The following SPATS2 variants were observed in gnomAD, a reference collection of about 807,000 sequenced individuals.
The protein encoded by SPATS2 is spermatogenesis-associated serine-rich protein 2.
SPATS2 carries 38 observed loss-of-function variants against 63.7 expected under a neutral mutation model. That is an observed-to-expected ratio of 0.60 (90% CI 0.46 to 0.78). The LOEUF (loss-of-function observed/expected upper bound fraction) is 0.78. Among genes scored for constraint, SPATS2 ranks in the 30% least tolerant of loss-of-function variants. SPATS2 has a pLI of 0.00. For synonymous variants in SPATS2, 207 were observed against 232.9 expected, an observed-to-expected ratio of 0.89 and a Z score of 1.01; for missense variants, 588 against 666.2, an observed-to-expected ratio of 0.88 and a Z score of 1.29.
chr12:49,368,410 T>C (rs762233118), intron 1 of SPATS2, among the ~76,000 whole-genome samples: 9 of 152,236 alleles, frequency 5.9e-5, no homozygotes, highest in Non-Finnish European at 8.8e-5. Flanking sequence ...AATATCTTGC[T>C]TTAAGTTAGG....
intron 2 of SPATS2, among the ~76,000 whole-genome samples, chr12:49,450,437 G>C (rs1945599541): frequency 6.6e-6 from 1 of 151,950 alleles, no homozygotes; most frequent in South Asian, 2.1e-4. Context: ...GTAGAGACGG[G>C]GTTTCACTGT....
At chr12:49,444,055 A>G (rs1945469454) in intron 2 of SPATS2, among the ~76,000 whole-genome samples, 1 of 152,240 alleles carries the variant, frequency 6.6e-6, no homozygotes, top group African/African-American at 2.4e-5. Context: ...ACGCTTATAA[A>G]TTAAATTGGG....
chr12:49,414,204 G>C (rs1441663479), intron 2 of SPATS2, among the ~76,000 whole-genome samples: 1 of 152,108 alleles, frequency 6.6e-6, no homozygotes, highest in Non-Finnish European at 1.5e-5. Flanking sequence ...TAGATTTTCT[G>C]TGACTCTTAT....
intron 2 of SPATS2, among the ~76,000 whole-genome samples, chr12:49,379,550 C>CAAA (rs565753035): frequency 3.8e-4 from 17 of 45,046 alleles, no homozygotes; most frequent in African/African-American, 1.3e-3. Context: ...GAATCCGTCT[C>CAAA]AAAAAAAAAA....
At chr12:49,428,212 G>A (rs1241064550) in intron 2 of SPATS2, among the ~76,000 whole-genome samples, 1 of 151,332 alleles carries the variant, frequency 6.6e-6, no homozygotes, top group Non-Finnish European at 1.5e-5. Context: ...TCGAGATAGC[G>A]CCACTGCACT....
At chr12:49,374,598 T>G (rs1944059868) in intron 2 of SPATS2, among the ~76,000 whole-genome samples, 1 of 152,072 alleles carries the variant, frequency 6.6e-6, no homozygotes, top group Non-Finnish European at 1.5e-5. Context: ...TTCTGCAGGG[T>G]CTGAGGATAT....
At chr12:49,480,309 G>A (rs778505313) in intron 3 of SPATS2, among the ~76,000 whole-genome samples, 1 of 152,154 alleles carries the variant, frequency 6.6e-6, no homozygotes, top group African/African-American at 2.4e-5. Flanking sequence ...GAGCCTTACT[G>A]TGTGTTCATA....
intron 8 of SPATS2, among the ~76,000 whole-genome samples, chr12:49,497,413 G>A (rs1443232815): frequency 1.5e-4 from 21 of 138,488 alleles, no homozygotes; most frequent in Admixed American, 3.8e-4. Flanking sequence ...TTTTTCCCCC[G>A]AGACTGAGTC....
In SPATS2 at chr12:49,500,077, T is replaced by A; in HGVS notation, c.711T>A (p.Asn237Lys). 6.8e-7 allele frequency: 1 copy of A among 1,466,806 alleles called. No homozygotes were observed. The highest frequency in any genetic ancestry group is 9.0e-7 in the Non-Finnish European group (1 of 1,110,504). The allele number at this position is 1,466,806 out of a possible 1,614,324, so 90.9% of individuals were successfully genotyped here. A position where few individuals can be genotyped will look rare whatever the true frequency, so the allele number is the denominator to read the frequency against. ...PLATSKKLSS[N>K]IEKSVKDLQR... ...TCGGTTTTTTTCCCCAAGGTTCCAA[T>A]ATTGAAAAATCTGTAAAAGACCTCC... Residue 237 changes from asparagine to lysine, a missense_variant, in exon 9 of 14, where the codon AAT becomes AAA. Asn to Lys is a moderately conservative substitution (Grantham distance 94, BLOSUM62 0). Coordinates refer to ENST00000552918, the MANE Select transcript of SPATS2 (RefSeq NM_023071.4).
At chr12:49,495,137 G>T in intron 7 of SPATS2, 135 bp downstream of exon 7, 8 of 944,228 alleles carry the variant, frequency 8.5e-6, no homozygotes, top group Admixed American at 3.8e-5. Flanking sequence ...TTACTTTTTA[G>T]TTTTTGTTAC....
chr12:49,405,587 T>G (rs1941581567), intron 2 of SPATS2, among the ~76,000 whole-genome samples: 1 of 152,110 alleles, frequency 6.6e-6, no homozygotes, highest in African/African-American at 2.4e-5. Flanking sequence ...TAATCCCAGC[T>G]ACTTGGGAGG....
intron 2 of SPATS2, among the ~76,000 whole-genome samples, chr12:49,383,206 AG>A (rs775379674): frequency 2.4e-4 from 36 of 151,826 alleles, no homozygotes; most frequent in Admixed American, 1.3e-3. Context: ...TTTAGTAGAA[AG>A]GGGGTTTCAC....
intron 2 of SPATS2, among the ~76,000 whole-genome samples, chr12:49,449,407 G>T (rs1360474682): frequency 1.3e-5 from 2 of 152,150 alleles, no homozygotes; most frequent in African/African-American, 2.4e-5. Flanking sequence ...GTAGAAACGG[G>T]GTTTCACCAT....
At position 49,407,824 on chromosome 12, in the gene SPATS2, G is replaced by GT. The variant is rs755628180; in HGVS notation, c.-244+36537dup. ...CCTACTGCCTCTTTTTGTAAATAAA[G>GT]TTTAATTAGGACACAGCCATGCTCA... is the stretch of plus-strand genomic sequence containing the variant. On this transcript the variant is annotated intron_variant, in intron 2 of 13. Coordinates refer to ENST00000552918, the MANE Select transcript of SPATS2 (RefSeq NM_023071.4). Among the ~76,000 whole-genome samples the GT allele has an allele frequency of 2.0e-4, 30 of 152,326 alleles. No individual in the cohort carries two copies. The Middle Eastern group carries it at 0.01, about 52-fold the overall frequency.
chr12:49,376,251 G>A (rs537429835), intron 2 of SPATS2, among the ~76,000 whole-genome samples: 78 of 151,430 alleles, frequency 5.2e-4, no homozygotes, highest in Middle Eastern at 3.4e-3. Context: ...ACAAGTGCCC[G>A]CCACCACGCC....
intron 2 of SPATS2, among the ~76,000 whole-genome samples, chr12:49,450,160 G>GT (rs1261985946): frequency 8.0e-5 from 12 of 150,550 alleles, no homozygotes; most frequent in African/African-American, 2.9e-4. Flanking sequence ...TCTATGGTGT[G>GT]TTTTTTGTAG....
intron 2 of SPATS2, among the ~76,000 whole-genome samples, chr12:49,406,200 GAC>G (rs1239609611): frequency 6.6e-6 from 1 of 151,972 alleles, no homozygotes; most frequent in African/African-American, 2.4e-5. Context: ...GGAGGATACT[GAC>G]ATATATGTAC....
At chr12:49,368,437 T>G (rs75022468) in intron 1 of SPATS2, among the ~76,000 whole-genome samples, 16,968 of 152,176 alleles carry the variant, frequency 0.11, 1,092 homozygotes, top group African/African-American at 0.18. Context: ...ATAATGCAGA[T>G]TTCAGTGTTT....
chr12:49,504,836 G>A (rs1219112038), intron 9 of SPATS2, among the ~76,000 whole-genome samples: 3 of 135,006 alleles, frequency 2.2e-5, no homozygotes, highest in African/African-American at 2.9e-5. Context: ...TAGCGCCATC[G>A]TGTCTCACTA....
Sources: allele counts gnomAD v4.1 joint callset (sites outside exome capture counted in the v4.1 genomes callset), GRCh38; gene constraint gnomAD v4.1.1; transcripts MANE v1.5; gene names NCBI Gene and HGNC (gene_info 2026-07-23, HGNC 2026-07-21).